The following CLDND1 variants were observed in gnomAD, a reference collection of about 807,000 sequenced individuals.
CLDND1 encodes claudin domain containing 1, also known as claudin domain-containing protein 1.
In CLDND1, 13 loss-of-function variants were observed where a neutral mutation model predicts 26.3. The observed-to-expected ratio is 0.49, with a 90% confidence interval of 0.32 to 0.78. The LOEUF (loss-of-function observed/expected upper bound fraction) is 0.78. Ranked by LOEUF, CLDND1 falls within the 30% of genes least tolerant of loss-of-function variation. The pLI, the probability that CLDND1 is intolerant of heterozygous loss-of-function variation, is 0.03. For synonymous variants in CLDND1, 107 were observed against 107.0 expected (o/e 1.00, Z 0.00); for missense variants, 289 against 312.8 (o/e 0.92, Z 0.57).
At position 98,516,538 on chromosome 3, in the gene CLDND1, G is replaced by T. The variant is rs570138475; in HGVS notation, c.*121C>A. 7.0e-7 allele frequency: 1 copy of T among 1,423,802 alleles called. No homozygotes were observed. Among genetic ancestry groups the T allele is most frequent in the Non-Finnish European group, 9.2e-7 (1 of 1,083,268 alleles). 88.2% of individuals were successfully genotyped at this position (1,423,802 alleles called of 1,614,324 possible). On this transcript the variant is annotated 3_prime_UTR_variant, in exon 5 of 5. Coordinates refer to ENST00000341181, the MANE Select transcript of CLDND1 (RefSeq NM_001040181.2). ...GTGGTGAATGTGTATAAATAAAATA[G>T]ATTTTCATAATAAAATGGTATATCC...
In CLDND1 at chr3:98,516,209, C is replaced by G; in HGVS notation, c.*450G>C. ...TAAATCTTTGAAAACAGCACTAATACTGCTGGTTGACTGGCTATCTACAAC... is the reference window on the plus strand; with the variant it reads ...TAAATCTTTGAAAACAGCACTAATAGTGCTGGTTGACTGGCTATCTACAAC... On this transcript the variant is annotated 3_prime_UTR_variant, in exon 5 of 5. Coordinates refer to ENST00000341181, the MANE Select transcript of CLDND1 (RefSeq NM_001040181.2). The G allele has an allele frequency of 9.6e-7, 1 of 1,042,766 alleles. No homozygotes were observed. Among genetic ancestry groups the G allele is most frequent in the South Asian group, 3.3e-5 (1 of 30,154 alleles). The allele number at this position is 1,042,766 out of a possible 1,614,324, so 64.6% of individuals were successfully genotyped here. A position where few individuals can be genotyped will look rare whatever the true frequency, so the allele number is the denominator to read the frequency against.
At chr3:98,521,753 T>G (rs372235788) in intron 1 of CLDND1, 9 of 1,481,582 alleles carry the variant, frequency 6.1e-6, no homozygotes, top group Middle Eastern at 1.7e-4. Context: ...ATACAAACAA[T>G]AGACATGCCC....
intron 1 of CLDND1, chr3:98,522,592 G>A (rs1576275678): frequency 7.3e-7 from 1 of 1,377,914 alleles, no homozygotes; most frequent in Non-Finnish European, 9.3e-7. Flanking sequence ...CCGGACGCCT[G>A]CAGCAGCCAC....
chr3:98,518,854 C>G, intron 3 of CLDND1, 31 bp downstream of exon 3: 1 of 1,238,108 alleles, frequency 8.1e-7, no homozygotes, highest in South Asian at 1.2e-5. Flanking sequence ...CTTTGTTCCC[C>G]CAACTGTCCT....
In CLDND1 at chr3:98,517,279, C is replaced by T. The variant is rs757195449; in HGVS notation, c.404-90G>A. 7 of 1,431,360 alleles carry T rather than the reference C, an allele frequency of 4.9e-6. No homozygotes were observed. The South Asian group carries it at 8.1e-5, about 17-fold the overall frequency. 88.7% of individuals were successfully genotyped at this position (1,431,360 alleles called of 1,614,324 possible). On this transcript the variant is annotated intron_variant, in intron 3 of 4. Coordinates refer to ENST00000341181, the MANE Select transcript of CLDND1 (RefSeq NM_001040181.2). ...AATTTCTTTCATATTCTAATTAGAT[C>T]TTTTCTCAAAAAGTGTGAAAGTATT... is the stretch of plus-strand genomic sequence containing the variant.
Position 98,516,002 on chromosome 3 carries a change from G to A in CLDND1, c.*657C>T, listed in dbSNP as rs1273765786. 12 of 1,164,720 alleles carry A rather than the reference G, an allele frequency of 1.0e-5. No homozygotes were observed. Among genetic ancestry groups the A allele is most frequent in the Middle Eastern group, 3.7e-4 (1 of 2,714 alleles). The allele number at this position is 1,164,720 out of a possible 1,614,324, so 72.1% of individuals were successfully genotyped here. A position where few individuals can be genotyped will look rare whatever the true frequency, so the allele number is the denominator to read the frequency against. On this transcript the variant is annotated 3_prime_UTR_variant, in exon 5 of 5. Transcript: ENST00000341181. ...AGAGTTAAAAATAATACTAATCCTCGCCCGGCTGAACTGGAATTCTTGCAG... is the reference window on the plus strand; with the variant it reads ...AGAGTTAAAAATAATACTAATCCTCACCCGGCTGAACTGGAATTCTTGCAG...
At chr3:98,518,846 T>G in intron 3 of CLDND1, 39 bp downstream of exon 3, 1 of 1,168,962 alleles carries the variant, frequency 8.6e-7, no homozygotes, top group Non-Finnish European at 1.3e-6. Flanking sequence ...AAAATTATCT[T>G]TGTTCCCCCA....
intron 2 of CLDND1, chr3:98,520,888 A>G (rs1189343396): frequency 6.0e-6 from 2 of 333,394 alleles, no homozygotes; most frequent in South Asian, 1.0e-4. Flanking sequence ...AGTAAATAAG[A>G]AAAAAAAAAG....
At position 98,515,705 on chromosome 3, in the gene CLDND1, C is replaced by T; in HGVS notation, c.*954G>A. 7.8e-7 allele frequency: 1 copy of T among 1,288,584 alleles called. No individual in the cohort carries two copies. The highest frequency in any genetic ancestry group is 1.0e-6 in the Non-Finnish European group (1 of 988,180). The allele number at this position is 1,288,584 out of a possible 1,614,324, so 79.8% of individuals were successfully genotyped here. Reference sequence around the variant, plus strand: ...AGGAAGGGATTTAGGCAAGGAAAGGCACATCATATTACCACAAGAAATAAA... The same window carrying T: ...AGGAAGGGATTTAGGCAAGGAAAGGTACATCATATTACCACAAGAAATAAA... On this transcript the variant is annotated 3_prime_UTR_variant, in exon 5 of 5. Coordinates refer to ENST00000341181, the MANE Select transcript of CLDND1 (RefSeq NM_001040181.2).
chr3:98,521,470 A>G (rs1322175468), intron 1 of CLDND1, 28 bp from the exon 2 acceptor site: 2 of 1,592,556 alleles, frequency 1.3e-6, no homozygotes, highest in African/African-American at 2.7e-5. Flanking sequence ...AAAGAAGATA[A>G]GTTAGAGTTT....
Position 98,516,372 on chromosome 3 carries a change from T to C in CLDND1, c.*287A>G. ...TTAGCACAACTTGTTTTCGGTCACATTCCTACTCCCAATTTTCTTTCATAA... is the reference window on the plus strand; with the variant it reads ...TTAGCACAACTTGTTTTCGGTCACACTCCTACTCCCAATTTTCTTTCATAA... On this transcript the variant is annotated 3_prime_UTR_variant, in exon 5 of 5. Transcript: ENST00000341181. The C allele has an allele frequency of 8.6e-7, 1 of 1,161,596 alleles. No homozygotes were observed. The highest frequency in any genetic ancestry group is 1.1e-6 in the Non-Finnish European group (1 of 941,646). The allele number at this position is 1,161,596 out of a possible 1,614,324, so 72.0% of individuals were successfully genotyped here. A position where few individuals can be genotyped will look rare whatever the true frequency, so the allele number is the denominator to read the frequency against.
chr3:98,520,887 G>GAA, intron 2 of CLDND1: 27 of 379,372 alleles, frequency 7.1e-5, no homozygotes, highest in Non-Finnish European at 8.9e-5. Flanking sequence ...GAGTAAATAA[G>GAA]AAAAAAAAAA....
intron 1 of CLDND1, chr3:98,521,985 C>A: frequency 5.1e-6 from 2 of 392,222 alleles, no homozygotes; most frequent in Non-Finnish European, 9.2e-6. Context: ...TTGTTAACCC[C>A]GAGGGAAAGG....
rs1706102578 is a variant in CLDND1 at position 98,515,598 on chromosome 3, G to GT, written c.*1060dup. ...CTACAGTAGTGGAATAAATAAATAA[G>GT]TTTTTTAAAGTTCAATGTTTATAGA... On this transcript the variant is annotated 3_prime_UTR_variant, in exon 5 of 5. Transcript: ENST00000341181. 9.4e-6 allele frequency: 10 copies of GT among 1,065,328 alleles called. No homozygotes were observed. Among genetic ancestry groups the GT allele is most frequent in the Non-Finnish European group, 1.2e-5 (10 of 856,030 alleles). 66.0% of individuals were successfully genotyped at this position (1,065,328 alleles called of 1,614,324 possible).
chr3:98,516,365 G>T lies in CLDND1; in HGVS notation c.*294C>A. On this transcript the variant is annotated 3_prime_UTR_variant, in exon 5 of 5. Coordinates refer to ENST00000341181, the MANE Select transcript of CLDND1 (RefSeq NM_001040181.2). ...ACAGACATTAGCACAACTTGTTTTC[G>T]GTCACATTCCTACTCCCAATTTTCT... 1 of 1,127,406 alleles carries T rather than the reference G, an allele frequency of 8.9e-7. No individual in the cohort carries two copies. The highest frequency in any genetic ancestry group is 1.1e-6 in the Non-Finnish European group (1 of 920,460). The allele number at this position is 1,127,406 out of a possible 1,614,324, so 69.8% of individuals were successfully genotyped here.
Position 98,516,655 on chromosome 3 carries a change from T to C in CLDND1, c.*4A>G, listed in dbSNP as rs1461615623. ...TGGCAATTGTAAAGCAGGCAGTTTCTTGCTCATGCCACACGATATGCCTTC... is the reference window on the plus strand; with the variant it reads ...TGGCAATTGTAAAGCAGGCAGTTTCCTGCTCATGCCACACGATATGCCTTC... On this transcript the variant is annotated 3_prime_UTR_variant, in exon 5 of 5. Coordinates refer to ENST00000341181, the MANE Select transcript of CLDND1 (RefSeq NM_001040181.2). 7 of 1,607,530 alleles carry C rather than the reference T, an allele frequency of 4.4e-6. No individual in the cohort carries two copies. Among genetic ancestry groups the C allele is most frequent in the African/African-American group, 4.0e-5 (3 of 74,662 alleles).
At chr3:98,522,459 C>T (rs747191928) in intron 1 of CLDND1, 80 of 902,484 alleles carry the variant, frequency 8.9e-5, no homozygotes, top group Non-Finnish European at 1.0e-4. Context: ...AAGATAAGAG[C>T]AATGACAACG....
At chr3:98,516,994 C>T in intron 4 of CLDND1, 58 bp downstream of exon 4, 1 of 1,610,004 alleles carries the variant, frequency 6.2e-7, no homozygotes, top group South Asian at 1.1e-5. Flanking sequence ...ATTTATAACT[C>T]TTTGGTCCCT....
intron 1 of CLDND1, chr3:98,521,926 A>G (rs891046809): frequency 1.9e-6 from 1 of 538,082 alleles, no homozygotes; most frequent in African/African-American, 1.9e-5. Flanking sequence ...AAGCCTCCTA[A>G]AACAAAGGTA....
Sources: gnomAD v4.1 joint callset for allele counts on GRCh38, gnomAD v4.1.1 for gene constraint, MANE v1.5 for transcripts, NCBI Gene and HGNC (gene_info 2026-07-23, HGNC 2026-07-21) for gene names.